SPATA1: variants seen among roughly 807,000 people sequenced by gnomAD.
The protein encoded by SPATA1 is spermatogenesis-associated protein 1.
SPATA1 carries 57 observed loss-of-function variants against 59.6 expected under a neutral mutation model. That is an observed-to-expected ratio of 0.96 (90% CI 0.77 to 1.19). The LOEUF (loss-of-function observed/expected upper bound fraction) is 1.19. Ranked by LOEUF, SPATA1 falls within the 50% of genes most tolerant of loss-of-function variation. The pLI, the probability that SPATA1 is intolerant of heterozygous loss-of-function variation, is 0.00. For missense variants in SPATA1, 448 were observed against 480.7 expected, an observed-to-expected ratio of 0.93 and a Z score of 0.64; for synonymous variants, 147 against 163.9, an observed-to-expected ratio of 0.90 and a Z score of 0.79.
chr1:84,510,973 A>G (rs564454558), intron 1 of SPATA1, among the ~76,000 whole-genome samples: 1 of 152,288 alleles, frequency 6.6e-6, no homozygotes, highest in East Asian at 1.9e-4. Context: ...AGTTGAACTC[A>G]TGGAGATAGT....
At chr1:84,533,738 C>A in exon 8 of SPATA1, 1 of 1,565,484 alleles carries the variant, frequency 6.4e-7, no homozygotes, top group Non-Finnish European at 8.7e-7. Flanking sequence ...GAAGATGATA[C>A]AGCTATCAGT....
At chr1:84,560,808 A>C (rs1457952868) in intron 4 of SPATA1, among the ~76,000 whole-genome samples, 1 of 152,200 alleles carries the variant, frequency 6.6e-6, no homozygotes, top group African/African-American at 2.4e-5. Context: ...CTATAAATGG[A>C]ATAACAAAGC....
At chr1:84,521,159 A>AGAAG (rs537317138) in intron 3 of SPATA1, among the ~76,000 whole-genome samples, 5 of 140,884 alleles carry the variant, frequency 3.5e-5, no homozygotes, top group African/African-American at 1.3e-4. Context: ...GGGAGAGAGA[A>AGAAG]GAAGGAAGGA....
At chr1:84,543,363 T>G (rs1683976142) in intron 8 of SPATA1, among the ~76,000 whole-genome samples, 1 of 152,170 alleles carries the variant, frequency 6.6e-6, no homozygotes, top group Non-Finnish European at 1.5e-5. Context: ...AAAAAATACC[T>G]GAGACTGGGT....
At chr1:84,532,864 G>A (rs1271988779) in exon 7 of SPATA1, 1 of 1,549,782 alleles carries the variant, frequency 6.5e-7, no homozygotes, top group Non-Finnish European at 8.7e-7. Flanking sequence ...CATCAGCTGG[G>A]GGAAAAGCCA....
chr1:84,536,235 C>T (rs1570433159), intron 8 of SPATA1, among the ~76,000 whole-genome samples: 1 of 152,286 alleles, frequency 6.6e-6, no homozygotes, highest in South Asian at 2.1e-4. Context: ...AATATGGATA[C>T]ACTTATCAGA....
chr1:84,537,572 C>G (rs1683748319), intron 8 of SPATA1, among the ~76,000 whole-genome samples: 1 of 152,178 alleles, frequency 6.6e-6, no homozygotes, highest in Non-Finnish European at 1.5e-5. Flanking sequence ...AGGAAAAACC[C>G]TGTCACTCAG....
At chr1:84,535,410 T>C (rs999246916) in intron 8 of SPATA1, among the ~76,000 whole-genome samples, 1 of 152,282 alleles carries the variant, frequency 6.6e-6, no homozygotes, top group African/African-American at 2.4e-5. Flanking sequence ...TCACCGTGAA[T>C]CTGTCAATCA....
At chr1:84,532,106 A>T (rs1485137526) in intron 6 of SPATA1, among the ~76,000 whole-genome samples, 1 of 152,250 alleles carries the variant, frequency 6.6e-6, no homozygotes. Context: ...TATGTGAAAT[A>T]AAAAATGACA....
chr1:84,557,549 A>AG (rs1346185899), downstream of SPATA1, among the ~76,000 whole-genome samples: 1 of 136,818 alleles, frequency 7.3e-6, no homozygotes, highest in African/African-American at 3.2e-5. Flanking sequence ...AAAAAAAAAA[A>AG]AAAAGAAAAA....
chr1:84,558,538 G>A (rs376225614), downstream of SPATA1, among the ~76,000 whole-genome samples: 32 of 150,790 alleles, frequency 2.1e-4, no homozygotes, highest in East Asian at 3.0e-3. Context: ...TGATCCGCCC[G>A]CCTCAGCCTC....
chr1:84,535,540 C>T (rs930602032), intron 8 of SPATA1, among the ~76,000 whole-genome samples: 1 of 151,956 alleles, frequency 6.6e-6, no homozygotes, highest in Admixed American at 6.6e-5. Context: ...GTGTATTGCT[C>T]TTATATCTTA....
intron 10 of SPATA1, among the ~76,000 whole-genome samples, chr1:84,546,496 G>C (rs998173737): frequency 1.3e-5 from 2 of 148,992 alleles, no homozygotes; most frequent in Non-Finnish European, 3.0e-5. Context: ...TGAAAACTAT[G>C]ATAAAGGAAT....
At chr1:84,517,294 A>C (rs1682836739) in intron 2 of SPATA1, among the ~76,000 whole-genome samples, 1 of 152,048 alleles carries the variant, frequency 6.6e-6, no homozygotes, top group African/African-American at 2.4e-5. Flanking sequence ...TAATTTTGGC[A>C]TACATCAGGG....
intron 10 of SPATA1, 147 bp from the exon 11 acceptor site, chr1:84,548,639 A>T (rs1684168439): frequency 4.0e-6 from 4 of 987,682 alleles, no homozygotes; most frequent in Middle Eastern, 3.8e-4. Context: ...CTCAGTATAT[A>T]AAAAAAGGAG....
At chr1:84,536,463 A>G (rs904631508) in intron 8 of SPATA1, among the ~76,000 whole-genome samples, 7 of 152,212 alleles carry the variant, frequency 4.6e-5, no homozygotes, top group Non-Finnish European at 8.8e-5. Context: ...TTTTCTTTTG[A>G]GACGGAGTCT....
chr1:84,511,667 T>TTTC (rs1682558284), intron 1 of SPATA1, among the ~76,000 whole-genome samples: 4 of 119,490 alleles, frequency 3.3e-5, no homozygotes, highest in Admixed American at 8.3e-5. Context: ...TTTTTTTTTT[T>TTTC]TTTCTTTCTT....
At chr1:84,509,598 T>A (rs1040980295) in intron 1 of SPATA1, among the ~76,000 whole-genome samples, 2 of 152,100 alleles carry the variant, frequency 1.3e-5, no homozygotes, top group African/African-American at 4.8e-5. Flanking sequence ...AAATCCTGTC[T>A]CTACTAAGAA....
At chr1:84,560,100 AGAAAGAAAGAAAG>A (rs1558625634) in intron 4 of SPATA1, among the ~76,000 whole-genome samples, 3 of 17,080 alleles carry the variant, frequency 1.8e-4, no homozygotes, top group African/African-American at 3.7e-4. Flanking sequence ...AAAAAAAAAA[AGAAAGAAAGAAAG>A]AAAGAAAGAA....
Sources: allele counts gnomAD v4.1 joint callset (sites outside exome capture counted in the v4.1 genomes callset), GRCh38; gene constraint gnomAD v4.1.1; transcripts MANE v1.5; gene names NCBI Gene and HGNC (gene_info 2026-07-23, HGNC 2026-07-21).